The following RUBCNL variants were observed in gnomAD, a reference collection of about 807,000 sequenced individuals.
RUBCNL encodes rubicon like autophagy enhancer.
In RUBCNL, 62 loss-of-function variants were observed where a neutral mutation model predicts 69.5. The ratio of observed to expected loss-of-function variants is 0.89; its 90% CI spans 0.73 to 1.10. The LOEUF is 1.10. Ranked by LOEUF, RUBCNL falls within the 50% of genes least tolerant of loss-of-function variation. RUBCNL has a pLI of 0.00. For synonymous variants in RUBCNL, 291 were observed against 303.6 expected, an observed-to-expected ratio of 0.96 and a Z score of 0.43; for missense variants, 768 against 798.1, an observed-to-expected ratio of 0.96 and a Z score of 0.45.
intron 1 of RUBCNL, among the ~76,000 whole-genome samples, chr13:46,384,313 C>T (rs139568085): frequency 0.01 from 1,555 of 152,284 alleles, 27 homozygotes; most frequent in African/African-American, 0.028. Flanking sequence ...GTGCCCTAAA[C>T]ATATTTTTGG....
intron 1 of RUBCNL, among the ~76,000 whole-genome samples, chr13:46,383,039 T>G (rs2049155329): frequency 6.6e-6 from 1 of 152,232 alleles, no homozygotes; most frequent in African/African-American, 2.4e-5. Context: ...ATTTCTTAAA[T>G]TTGCTTTAAA....
Position 46,350,134 on chromosome 13 carries a change from G to T in RUBCNL, c.1548C>A (p.Ala516=), listed in dbSNP as rs1364768599. ...TCACCTTCACTCTGTCCAGCTCCTT[G>T]GCTTTCGCATACAGGCTTTGGCCGA... ...LSIGQSLYAK[A]KELDRVKEIQ... is the part of the protein sequence containing the mutation. The change falls in exon 11 of 15, where the codon GCC becomes GCA. Residue 516 remains alanine (A), a synonymous_variant. Coordinates refer to ENST00000429979, the MANE Select transcript of RUBCNL (RefSeq NM_025113.5). 5 of 1,571,404 alleles carry T rather than the reference G, an allele frequency of 3.2e-6. No individual in the cohort carries two copies. The highest frequency in any genetic ancestry group is 4.3e-6 in the Non-Finnish European group (5 of 1,157,470).
Position 46,343,262 on chromosome 13 carries a change from T to C in RUBCNL, c.*123A>G. 6.9e-7 allele frequency: 1 copy of C among 1,448,128 alleles called. No homozygotes were observed. The highest frequency in any genetic ancestry group is 1.4e-5 in the African/African-American group (1 of 71,046). The allele number at this position is 1,448,128 out of a possible 1,614,324, so 89.7% of individuals were successfully genotyped here. On this transcript the variant is annotated 3_prime_UTR_variant, in exon 15 of 15. Transcript: ENST00000429979. ...CATTAAGTATATGCAATAAAGAGAA[T>C]ATAGACCATCTTTTTCCTTAATATA...
rs571650143 is a variant in RUBCNL at position 46,367,945 on chromosome 13, G to C, written c.826+97C>G. 431 of 1,152,448 alleles carry C rather than the reference G, an allele frequency of 3.7e-4. 1 individual carries two copies. The East Asian group carries it at 9.8e-3, about 26-fold the overall frequency. The allele number at this position is 1,152,448 out of a possible 1,614,324, so 71.4% of individuals were successfully genotyped here. On this transcript the variant is annotated intron_variant, in intron 5 of 14. Transcript: ENST00000429979. The stretch of plus-strand genomic sequence containing the variant: ...ATCTGAAGGTTCAGGCTTCCACTGG[G>C]AGTCTTGGAATATATGCCCCGTGGA...
At position 46,372,557 on chromosome 13, in the gene RUBCNL, T is replaced by G; in HGVS notation, c.-82A>C. The G allele has an allele frequency of 2.0e-6, 3 of 1,498,068 alleles. No individual in the cohort carries two copies. The highest frequency in any genetic ancestry group is 2.7e-6 in the Non-Finnish European group (3 of 1,119,692). 92.8% of individuals were successfully genotyped at this position (1,498,068 alleles called of 1,614,324 possible). ...TGCTGGTACTACTTGATTTGGGCCC[T>G]GAACTCACCACATGGCCAGCTGGGG... is the stretch of plus-strand genomic sequence containing the variant. On this transcript the variant is annotated 5_prime_UTR_variant, in exon 3 of 15. Transcript: ENST00000429979.
chr13:46,352,484 A>C (rs2048391199), intron 10 of RUBCNL, among the ~76,000 whole-genome samples: 1 of 152,228 alleles, frequency 6.6e-6, no homozygotes, highest in African/African-American at 2.4e-5. Flanking sequence ...GATTCTGAAG[A>C]TCATTTCCAA....
chr13:46,384,093 C>G (rs1184690836), intron 1 of RUBCNL, among the ~76,000 whole-genome samples: 2 of 152,180 alleles, frequency 1.3e-5, no homozygotes, highest in African/African-American at 2.4e-5. Context: ...AAAACCAAGC[C>G]TAAACTAAAA....
rs1380223630 is a variant in RUBCNL, at chr13:46,334,688, G to A, written c.*8697C>T. Among the ~76,000 whole-genome samples the A allele has an allele frequency of 8.6e-5, 13 of 151,374 alleles. No homozygotes were observed. Among genetic ancestry groups the A allele is most frequent in the African/African-American group, 2.9e-4 (12 of 41,252 alleles). On this transcript the variant is annotated 3_prime_UTR_variant, in exon 15 of 15. Coordinates refer to ENST00000429979, the MANE Select transcript of RUBCNL (RefSeq NM_025113.5). Reference sequence around the variant, plus strand: ...GGCAGGGGAGCTTGGAGGCCAGGGGGAAAAAAAACACTGAATTTTATACAC... The same window carrying A: ...GGCAGGGGAGCTTGGAGGCCAGGGGAAAAAAAAACACTGAATTTTATACAC...
chr13:46,357,289 C>T (rs1292542649), intron 9 of RUBCNL, among the ~76,000 whole-genome samples: 6 of 147,412 alleles, frequency 4.1e-5, no homozygotes, highest in Admixed American at 6.8e-5. Flanking sequence ...GCCAAGATCG[C>T]GCCACTGCAC....
chr13:46,350,496 T>C, intron 10 of RUBCNL, 145 bp from the exon 11 acceptor site: 3 of 620,620 alleles, frequency 4.8e-6, no homozygotes, highest in Non-Finnish European at 8.4e-6. Context: ...TCATGACAGC[T>C]GGGAAGGCTC....
chr13:46,346,482 C>A (rs988069951), intron 12 of RUBCNL, among the ~76,000 whole-genome samples: 1 of 152,170 alleles, frequency 6.6e-6, no homozygotes, highest in Non-Finnish European at 1.5e-5. Flanking sequence ...AACACTCAGT[C>A]CAGCAGTGAT....
At chr13:46,378,583 T>A (rs1415464948) in intron 1 of RUBCNL, 1 of 152,270 alleles carries the variant, frequency 6.6e-6, no homozygotes, top group Non-Finnish European at 1.5e-5. Context: ...CATTGTGACA[T>A]CAGAGTCAGT....
intron 12 of RUBCNL, 96 bp from the exon 13 acceptor site, chr13:46,345,696 A>AT (rs907412752): frequency 2.2e-4 from 271 of 1,212,072 alleles, no homozygotes; most frequent in South Asian, 5.0e-4. Context: ...CTCACACTTA[A>AT]TTTTTTTTTA....
At position 46,386,543 on chromosome 13, in the gene RUBCNL, C is replaced by A. The variant is rs562045964; in HGVS notation, c.-239+591G>T. Among the ~76,000 whole-genome samples, 13 of 127,634 alleles carry A rather than the reference C, an allele frequency of 1.0e-4. No individual in the cohort carries two copies. The South Asian group carries it at 1.2e-3, about 12-fold the overall frequency. 83.7% of individuals were successfully genotyped at this position (127,634 alleles called of 152,430 possible). A position where few individuals can be genotyped will look rare whatever the true frequency, so the allele number is the denominator to read the frequency against. ...TATCAGTCTCAGCAGGTGGACTTCA[C>A]AAGGGGCGGGTTGGGGGAACGCCCG... On this transcript the variant is annotated intron_variant, in intron 1 of 14. Coordinates refer to ENST00000429979, the MANE Select transcript of RUBCNL (RefSeq NM_025113.5).
At chr13:46,369,343 C>A (rs2048830354) in intron 3 of RUBCNL, among the ~76,000 whole-genome samples, 1 of 152,122 alleles carries the variant, frequency 6.6e-6, no homozygotes, top group Admixed American at 6.5e-5. Context: ...GCCTCCCTAG[C>A]AGCTGAGATT....
chr13:46,344,660 G>T, intron 14 of RUBCNL, 81 bp downstream of exon 14: 1 of 910,684 alleles, frequency 1.1e-6, no homozygotes, highest in Non-Finnish European at 1.7e-6. Context: ...TTCAGCTTAA[G>T]TTAATTTTGT....
chr13:46,384,994 T>C (rs1327074812), intron 1 of RUBCNL, among the ~76,000 whole-genome samples: 6 of 152,240 alleles, frequency 3.9e-5, no homozygotes, highest in Non-Finnish European at 8.8e-5. Context: ...TAAAAGACAA[T>C]GCAAAAGTTA....
At chr13:46,387,491 C>G, upstream of RUBCNL, 2 of 985,522 alleles carry the variant, frequency 2.0e-6, no homozygotes, top group Non-Finnish European at 2.4e-6. Flanking sequence ...GCCGGTCCTC[C>G]TAGAAATCCC....
At chr13:46,386,595 G>C (rs886357421) in intron 1 of RUBCNL, among the ~76,000 whole-genome samples, 4 of 143,228 alleles carry the variant, frequency 2.8e-5, no homozygotes, top group Admixed American at 1.4e-4. Context: ...GTGGCGGGGG[G>C]TTGGGGGCGA....
Sources: gnomAD v4.1 joint callset for allele counts (sites outside exome capture counted in the v4.1 genomes callset) on GRCh38, gnomAD v4.1.1 for gene constraint, MANE v1.5 for transcripts, NCBI Gene and HGNC (gene_info 2026-07-23, HGNC 2026-07-21) for gene names.